The following RPGR variants were observed in gnomAD, a reference collection of about 807,000 sequenced individuals.
RPGR encodes the protein X-linked retinitis pigmentosa GTPase regulator.
RPGR carries 10 observed loss-of-function variants against 56.3 expected under a neutral mutation model. That is an observed-to-expected ratio of 0.18 (90% CI 0.11 to 0.30). RPGR has a LOEUF of 0.30. RPGR is among the 10% of genes least tolerant of loss of function. The pLI, the probability that RPGR is intolerant of heterozygous loss-of-function variation, is 1.00. For synonymous variants in RPGR, 197 were observed against 212.9 expected (o/e 0.93, Z 0.65); for missense variants, 538 against 590.9 (o/e 0.91, Z 0.93).
chrX:38,294,811 C>T (rs2067347920), intron 11 of RPGR, among the ~76,000 whole-genome samples: 1 of 112,270 alleles, frequency 8.9e-6, no homozygotes, highest in African/African-American at 3.2e-5. Flanking sequence ...GTTTTTATGT[C>T]TATAATGTAT....
At chrX:38,309,457 A>C (rs959901656) in intron 7 of RPGR, among the ~76,000 whole-genome samples, 8 of 112,719 alleles carry the variant, frequency 7.1e-5, no homozygotes, top group Non-Finnish European at 1.1e-4. Context: ...TTAGATAAAT[A>C]TAGAAAACAT....
At chrX:38,277,879 G>A (rs1341630305) in intron 15 of RPGR, among the ~76,000 whole-genome samples, 2 of 111,880 alleles carry the variant, frequency 1.8e-5, no homozygotes, top group African/African-American at 6.5e-5. Flanking sequence ...AATATAAAAT[G>A]CGAGAGTCCA....
chrX:38,285,232 T>C, intron 15 of RPGR: 2 of 929,189 alleles, frequency 2.2e-6, no homozygotes, highest in Non-Finnish European at 2.7e-6. Flanking sequence ...AGTATATTCC[T>C]GTTTCCTAAA....
rs774769874 is a variant in RPGR, at chrX:38,327,495, C to A, written c.-128G>T. On this transcript the variant is annotated 5_prime_UTR_variant, in exon 1 of 19. Coordinates refer to ENST00000642395, the MANE Select transcript of RPGR (RefSeq NM_000328.3). ...CCCCCAAGTTCCGCATGGCGAAACT[C>A]CGGAGATCAACTACAACCGCGCTCC... 20 of 646,687 alleles carry A rather than the reference C, an allele frequency of 3.1e-5. No homozygotes were observed. The highest frequency in any genetic ancestry group is 8.2e-5 in the Admixed American group (2 of 24,350). 53.3% of individuals were successfully genotyped at this position (646,687 alleles called of 1,213,427 possible).
intron 13 of RPGR, among the ~76,000 whole-genome samples, chrX:38,290,228 C>T (rs2067257277): frequency 9.0e-6 from 1 of 111,535 alleles, no homozygotes. Context: ...AGACTTCTTC[C>T]CTCAACTTAC....
At chrX:38,273,659 C>T (rs2066880856) in intron 17 of RPGR, 2 of 363,571 alleles carry the variant, frequency 5.5e-6, no homozygotes, top group South Asian at 6.6e-5. Context: ...GTGAAAAGCC[C>T]AGAATGACCT....
chrX:38,273,328 A>C, intron 18 of RPGR: 1 of 960,402 alleles, frequency 1.0e-6, no homozygotes, highest in Admixed American at 2.5e-5. Flanking sequence ...TGCCATATGA[A>C]AAGTAAAACA....
intron 17 of RPGR, chrX:38,273,639 T>C (rs1482810087): frequency 7.6e-6 from 3 of 392,678 alleles, no homozygotes; most frequent in African/African-American, 7.5e-5. Flanking sequence ...TCCTGAAAAG[T>C]TGAGTTAAAG....
At chrX:38,289,386 T>C (rs1273725236) in intron 13 of RPGR, among the ~76,000 whole-genome samples, 7 of 112,153 alleles carry the variant, frequency 6.2e-5, no homozygotes. Context: ...GTACAAAAAC[T>C]ATGAAATCAA....
chrX:38,323,029 A>G, intron 2 of RPGR, 84 bp from the exon 3 acceptor site: 1 of 732,449 alleles, frequency 1.4e-6, no homozygotes. Flanking sequence ...ATAAAAAGCT[A>G]TACTTTTAAA....
At chrX:38,317,213 C>A (rs774415945) in intron 6 of RPGR, 103 bp downstream of exon 6, 220 of 844,120 alleles carry the variant, frequency 2.6e-4, no homozygotes, top group Non-Finnish European at 3.7e-4. Context: ...CATGGACAAC[C>A]ATGGCATTAT....
intron 11 of RPGR, among the ~76,000 whole-genome samples, chrX:38,296,456 C>G (rs1026202305): frequency 9.0e-6 from 1 of 111,724 alleles, no homozygotes; most frequent in Admixed American, 9.5e-5. Flanking sequence ...ACAGACACTC[C>G]TAAGATACAC....
chrX:38,320,495 T>C (rs2067917517), intron 4 of RPGR, among the ~76,000 whole-genome samples: 1 of 112,859 alleles, frequency 8.9e-6, no homozygotes, highest in African/African-American at 3.2e-5. Context: ...TTTTTGCCAA[T>C]ACCTCAGTCT....
In RPGR at chrX:38,275,157, T is replaced by C; in HGVS notation, c.2092-11A>G. 1 of 1,197,567 alleles carries C rather than the reference T, an allele frequency of 8.4e-7. No homozygotes were observed. Among genetic ancestry groups the C allele is most frequent in the African/African-American group, 1.7e-5 (1 of 57,522 alleles). On this transcript the variant is annotated splice_polypyrimidine_tract_variant and intron_variant, in intron 16 of 18. Transcript: ENST00000642395. ...GTTGGCTTTTTCTTTCTATAAACAA[T>C]AACAAAGCAATATAACAAAAAATAT...
intron 12 of RPGR, 88 bp downstream of exon 12, chrX:38,291,305 T>C: frequency 1.8e-6 from 1 of 561,942 alleles, no homozygotes; most frequent in African/African-American, 2.2e-5. Flanking sequence ...TTCATGCATA[T>C]AAGAGTATAG....
At chrX:38,281,369 C>CT (rs200947156) in intron 15 of RPGR, among the ~76,000 whole-genome samples, 1,288 of 112,497 alleles carry the variant, frequency 0.011, 20 homozygotes, top group African/African-American at 0.039. Flanking sequence ...TTTCAACACA[C>CT]TTTAAATATT....
intron 15 of RPGR, chrX:38,286,098 T>C (rs1341173289): frequency 2.1e-5 from 6 of 284,747 alleles, no homozygotes; most frequent in Admixed American, 1.1e-4. Context: ...CTCCTTCCTC[T>C]TCCCCCTCCC....
intron 16 of RPGR, among the ~76,000 whole-genome samples, chrX:38,276,141 CT>C (rs1285286382): frequency 8.9e-6 from 1 of 111,962 alleles, no homozygotes; most frequent in Non-Finnish European, 1.9e-5. Context: ...CTTTGAAGAA[CT>C]GATCACAACT....
At chrX:38,325,883 G>A (rs1375202576) in intron 1 of RPGR, 1 of 112,209 alleles carries the variant, frequency 8.9e-6, no homozygotes, top group Non-Finnish European at 1.9e-5. Flanking sequence ...ACACCAAATA[G>A]TAGGCCAGGT....
Sources: gnomAD v4.1 joint callset for allele counts (sites outside exome capture counted in the v4.1 genomes callset) on GRCh38, gnomAD v4.1.1 for gene constraint, MANE v1.5 for transcripts, NCBI Gene and HGNC (gene_info 2026-07-23, HGNC 2026-07-21) for gene names.